DYNC1I1: variants seen among roughly 807,000 people sequenced by gnomAD.
DYNC1I1 encodes dynein cytoplasmic 1 intermediate chain 1, also known as cytoplasmic dynein 1 intermediate chain 1.
In DYNC1I1, 43 loss-of-function variants were observed where a neutral mutation model predicts 86.6. The ratio of observed to expected loss-of-function variants is 0.50; its 90% CI spans 0.39 to 0.64. DYNC1I1 has a LOEUF of 0.64. Ranked by LOEUF, DYNC1I1 falls within the 30% of genes least tolerant of loss-of-function variation. The pLI is 0.00. For synonymous variants in DYNC1I1, 262 were observed against 283.7 expected (o/e 0.92, Z 0.77); for missense variants, 604 against 788.8 (o/e 0.77, Z 2.81).
intron 6 of DYNC1I1, among the ~76,000 whole-genome samples, chr7:95,872,565 A>G (rs1790201222): frequency 6.6e-6 from 1 of 152,174 alleles, no homozygotes; most frequent in Non-Finnish European, 1.5e-5. Flanking sequence ...CACCGTAATG[A>G]ACATTCTCAT....
chr7:95,901,896 A>G (rs1438907387), intron 6 of DYNC1I1, among the ~76,000 whole-genome samples: 1 of 152,216 alleles, frequency 6.6e-6, no homozygotes, highest in Non-Finnish European at 1.5e-5. Flanking sequence ...GGCCTCAATC[A>G]ACAACAAGAA....
chr7:95,864,931 T>A (rs1789978962), intron 5 of DYNC1I1, among the ~76,000 whole-genome samples: 1 of 151,996 alleles, frequency 6.6e-6, no homozygotes, highest in Non-Finnish European at 1.5e-5. Context: ...AAGCCAGTGA[T>A]ACTCAACCTT....
At chr7:95,945,095 A>G (rs1181633376) in intron 6 of DYNC1I1, among the ~76,000 whole-genome samples, 2 of 151,760 alleles carry the variant, frequency 1.3e-5, no homozygotes, top group Admixed American at 1.3e-4. Context: ...ATAAAAAACC[A>G]TTTTTTAATA....
At chr7:96,105,663 G>A (rs1314292965) in intron 16 of DYNC1I1, among the ~76,000 whole-genome samples, 2 of 152,126 alleles carry the variant, frequency 1.3e-5, no homozygotes, top group Non-Finnish European at 2.9e-5. Context: ...ATGCTCACAT[G>A]AGGAGTTGGG....
intron 6 of DYNC1I1, among the ~76,000 whole-genome samples, chr7:95,966,150 C>T (rs1793006762): frequency 6.6e-6 from 1 of 152,124 alleles, no homozygotes; most frequent in South Asian, 2.1e-4. Flanking sequence ...CAGAATTTCC[C>T]AAGACAGTCA....
intron 5 of DYNC1I1, chr7:95,837,648 A>G (rs1047340841): frequency 2.1e-4 from 33 of 154,018 alleles, no homozygotes; most frequent in Non-Finnish European, 1.3e-4. Flanking sequence ...CCTCCGACCC[A>G]GGTGCGTTAT....
intron 10 of DYNC1I1, among the ~76,000 whole-genome samples, chr7:96,010,524 C>T (rs1038236806): frequency 6.6e-6 from 1 of 152,150 alleles, no homozygotes; most frequent in South Asian, 2.1e-4. Flanking sequence ...CAATAAAGTC[C>T]ATTACTATTT....
At position 96,066,363 on chromosome 7, in the gene DYNC1I1, A is replaced by G. The variant is rs543443253; in HGVS notation, c.1510-9694A>G. Reference sequence around the variant, plus strand: ...ACACCACTACCACCCCCAATCTTCAAATTCCTCTGGCACCTAACATCTGTA... The same window carrying G: ...ACACCACTACCACCCCCAATCTTCAGATTCCTCTGGCACCTAACATCTGTA... On this transcript the variant is annotated intron_variant, in intron 14 of 16. Coordinates refer to ENST00000447467, the MANE Select transcript of DYNC1I1 (RefSeq NM_001135556.2). Among the ~76,000 whole-genome samples the G allele has an allele frequency of 2.0e-5, 3 of 152,256 alleles. 1 individual carries two copies. The highest frequency in any genetic ancestry group is 7.2e-5 in the African/African-American group (3 of 41,546).
At chr7:95,877,804 A>C (rs1213268255) in intron 6 of DYNC1I1, among the ~76,000 whole-genome samples, 1 of 152,254 alleles carries the variant, frequency 6.6e-6, no homozygotes, top group Non-Finnish European at 1.5e-5. Flanking sequence ...ACCTGTGGAG[A>C]AAATTGTGCC....
chr7:96,082,057 C>G (rs1386813344), intron 16 of DYNC1I1, among the ~76,000 whole-genome samples: 2 of 152,126 alleles, frequency 1.3e-5, no homozygotes, highest in Non-Finnish European at 2.9e-5. Flanking sequence ...TGCAAATGGT[C>G]TGGTGACTAT....
In DYNC1I1 at chr7:95,885,947, G is replaced by A. The variant is rs116328065; in HGVS notation, c.490+15949G>A. Among the ~76,000 whole-genome samples, 1,032 of 152,226 alleles carry A rather than the reference G, an allele frequency of 6.8e-3. 20 individuals are homozygous for A. The highest frequency in any genetic ancestry group is 0.023 in the African/African-American group (943 of 41,546). ...TTTGGGAGATGAAAATAATCTCTCT[G>A]AAGAAAAAATAAACTACCAAAGGTC... On this transcript the variant is annotated intron_variant, in intron 6 of 16. Coordinates refer to ENST00000447467, the MANE Select transcript of DYNC1I1 (RefSeq NM_001135556.2).
intron 10 of DYNC1I1, among the ~76,000 whole-genome samples, chr7:96,014,635 G>A (rs1794359769): frequency 6.6e-6 from 1 of 152,098 alleles, no homozygotes; most frequent in African/African-American, 2.4e-5. Context: ...CTTTCTGTGT[G>A]GGGAACTATA....
intron 6 of DYNC1I1, among the ~76,000 whole-genome samples, chr7:95,927,872 T>TG (rs1298801261): frequency 6.6e-6 from 1 of 152,142 alleles, no homozygotes; most frequent in Non-Finnish European, 1.5e-5. Flanking sequence ...CCCCAAAATG[T>TG]GGTTCACGCT....
intron 7 of DYNC1I1, among the ~76,000 whole-genome samples, chr7:95,980,072 T>C (rs1793415088): frequency 6.6e-6 from 1 of 152,192 alleles, no homozygotes; most frequent in Non-Finnish European, 1.5e-5. Context: ...CCAAGTCGTC[T>C]TCTCCAGCAA....
At chr7:95,879,550 G>A (rs1030383663) in intron 6 of DYNC1I1, among the ~76,000 whole-genome samples, 2 of 152,062 alleles carry the variant, frequency 1.3e-5, no homozygotes, top group African/African-American at 4.8e-5. Flanking sequence ...AAAGAGTCAT[G>A]CTTAGCTCTT....
intron 1 of DYNC1I1, among the ~76,000 whole-genome samples, chr7:95,798,136 G>C (rs950646926): frequency 6.6e-6 from 1 of 152,084 alleles, no homozygotes; most frequent in African/African-American, 2.4e-5. Flanking sequence ...ATTTTTAAGG[G>C]TATAACAGGG....
At chr7:96,097,406 G>C in intron 16 of DYNC1I1, 77 bp from the exon 17 acceptor site, 2 of 1,523,904 alleles carry the variant, frequency 1.3e-6, no homozygotes, top group Non-Finnish European at 1.8e-6. Context: ...GGGGCAAAGG[G>C]ACAGTCATTC....
At chr7:96,035,483 T>C in intron 12 of DYNC1I1, 136 bp from the exon 13 acceptor site, 1 of 1,193,862 alleles carries the variant, frequency 8.4e-7, no homozygotes, top group Non-Finnish European at 1.1e-6. Context: ...TAAAGCATGG[T>C]TTCTGGCACA....
intron 10 of DYNC1I1, among the ~76,000 whole-genome samples, chr7:96,015,395 AAC>A (rs1794376127): frequency 6.6e-6 from 1 of 152,090 alleles, no homozygotes; most frequent in African/African-American, 2.4e-5. Flanking sequence ...CTTTTTCCTG[AAC>A]TGGAAATTTC....
Sources: allele counts gnomAD v4.1 joint callset (sites outside exome capture counted in the v4.1 genomes callset), GRCh38; gene constraint gnomAD v4.1.1; transcripts MANE v1.5; gene names NCBI Gene and HGNC (gene_info 2026-07-23, HGNC 2026-07-21).